FGF10: variants seen among roughly 807,000 people sequenced by gnomAD.
FGF10 encodes FGF-10.
A neutral mutation model predicts 19.8 loss-of-function variants in FGF10; 2 were observed. The observed-to-expected ratio is 0.10, with a 90% CI of 0.04 to 0.32. The LOEUF (loss-of-function observed/expected upper bound fraction) is 0.32. FGF10 is among the 10% of genes least tolerant of loss of function. The pLI is 1.00. For synonymous variants in FGF10, 112 were observed against 94.0 expected, an observed-to-expected ratio of 1.19 and a Z score of -1.10; for missense variants, 191 against 246.3, an observed-to-expected ratio of 0.78 and a Z score of 1.50.
At chr5:44,345,633 C>CAAAAAAAAA (rs199895920) in intron 1 of FGF10, among the ~76,000 whole-genome samples, 2 of 134,430 alleles carry the variant, frequency 1.5e-5, no homozygotes, top group Non-Finnish European at 1.6e-5. Context: ...TTTCTCAGCT[C>CAAAAAAAAA]AAAAAAAAAA....
At chr5:44,305,855 C>T (rs1217860914) in intron 2 of FGF10, among the ~76,000 whole-genome samples, 1 of 152,096 alleles carries the variant, frequency 6.6e-6, no homozygotes, top group Non-Finnish European at 1.5e-5. Context: ...CATGGAATTC[C>T]TCGTTTTGTG....
Position 44,388,881 on chromosome 5 carries a change from C to T in FGF10, c.-199G>A, listed in dbSNP as rs1230913493. The stretch of plus-strand genomic sequence containing the variant: ...CGGCTGACTCCCCTCGCTCCTTTCT[C>T]GGATCCGCTGCCTACGCCTCTGGAG... On this transcript the variant is annotated 5_prime_UTR_variant, in exon 1 of 3. Transcript: ENST00000264664. 2 of 648,488 alleles carry T rather than the reference C, an allele frequency of 3.1e-6. No homozygotes were observed. Among genetic ancestry groups the T allele is most frequent in the Non-Finnish European group, 2.8e-6 (1 of 356,480 alleles). 40.2% of individuals were successfully genotyped at this position (648,488 alleles called of 1,614,324 possible).
At chr5:44,309,680 T>C (rs1412934301) in intron 2 of FGF10, among the ~76,000 whole-genome samples, 1 of 152,132 alleles carries the variant, frequency 6.6e-6, no homozygotes, top group Admixed American at 6.6e-5. Context: ...ATTATTACAA[T>C]TGCAATTATA....
chr5:44,306,478 A>G (rs1173582726), intron 2 of FGF10, among the ~76,000 whole-genome samples: 2 of 152,200 alleles, frequency 1.3e-5, no homozygotes, highest in East Asian at 1.9e-4. Context: ...TAAGAAGCTA[A>G]GGAATTGGAG....
At chr5:44,362,485 C>A (rs1256502843) in intron 1 of FGF10, among the ~76,000 whole-genome samples, 1 of 151,592 alleles carries the variant, frequency 6.6e-6, no homozygotes, top group Admixed American at 6.6e-5. Context: ...ACTCCTATAA[C>A]CCAGCAAACA....
chr5:44,342,684 C>A (rs1191878877), intron 1 of FGF10, among the ~76,000 whole-genome samples: 1 of 151,772 alleles, frequency 6.6e-6, no homozygotes. Flanking sequence ...TAAAGTTCAT[C>A]TACATTAAAA....
At chr5:44,357,042 CA>C (rs889981582) in intron 1 of FGF10, among the ~76,000 whole-genome samples, 112 of 150,670 alleles carry the variant, frequency 7.4e-4, no homozygotes, top group African/African-American at 2.7e-3. Flanking sequence ...AAGATTATTA[CA>C]AAAAAAATAT....
At position 44,367,579 on chromosome 5, in the gene FGF10, G is replaced by A. The variant is rs569998683; in HGVS notation, c.325+20779C>T. 8.6e-5 allele frequency among the ~76,000 whole-genome samples: 13 copies of A among 151,998 alleles called. 1 individual carries two copies. In the South Asian group the frequency reaches 1.2e-3, roughly 15 times the overall value. On this transcript the variant is annotated intron_variant, in intron 1 of 2. Coordinates refer to ENST00000264664, the MANE Select transcript of FGF10 (RefSeq NM_004465.2). ...TATTAACTACTCAGTGAAGTTACTC[G>A]GCTTCTCAGTAGCTTCAAATTTTCC...
At chr5:44,367,247 A>C (rs1741638198) in intron 1 of FGF10, among the ~76,000 whole-genome samples, 1 of 151,994 alleles carries the variant, frequency 6.6e-6, no homozygotes, top group African/African-American at 2.4e-5. Context: ...CAGGAGTTTC[A>C]AAATAAAAGT....
At position 44,310,349 on chromosome 5, in the gene FGF10, C is replaced by A. The variant is rs968101355; in HGVS notation, c.429+78G>T. ...GCAATAGAAGGATAACAAAGCTATT[C>A]GGTGTCTGGAGGAAACTTTCCAAAA... On this transcript the variant is annotated intron_variant, in intron 2 of 2. Coordinates refer to ENST00000264664, the MANE Select transcript of FGF10 (RefSeq NM_004465.2). 1.1e-5 allele frequency: 10 copies of A among 906,398 alleles called. No homozygotes were observed. In the Admixed American group the frequency reaches 1.5e-4, roughly 14 times the overall value. 56.1% of individuals were successfully genotyped at this position (906,398 alleles called of 1,614,324 possible).
At chr5:44,376,832 C>A (rs895307617) in intron 1 of FGF10, among the ~76,000 whole-genome samples, 1 of 151,638 alleles carries the variant, frequency 6.6e-6, no homozygotes, top group Non-Finnish European at 1.5e-5. Context: ...AGATAATACT[C>A]TTTTGAAATA....
intron 1 of FGF10, among the ~76,000 whole-genome samples, chr5:44,377,696 C>T (rs1276779315): frequency 6.6e-6 from 1 of 152,076 alleles, no homozygotes; most frequent in African/African-American, 2.4e-5. Context: ...ATCTGAAATG[C>T]TTGGGATCAG....
intron 1 of FGF10, among the ~76,000 whole-genome samples, chr5:44,357,100 A>G (rs1410897678): frequency 2.4e-5 from 3 of 126,014 alleles, no homozygotes; most frequent in African/African-American, 8.9e-5. Context: ...CACTACCTCC[A>G]ATTTCCTAAG....
chr5:44,356,998 C>A (rs1036662648), intron 1 of FGF10, among the ~76,000 whole-genome samples: 2 of 151,246 alleles, frequency 1.3e-5, no homozygotes, highest in African/African-American at 4.8e-5. Flanking sequence ...TGTTTCACTT[C>A]TTTCTGCTTC....
intron 1 of FGF10, among the ~76,000 whole-genome samples, chr5:44,336,514 G>A (rs17227843): frequency 0.013 from 2,021 of 152,112 alleles, 88 homozygotes; most frequent in East Asian, 0.12. Context: ...CTCCTCCTCC[G>A]GGGAGAGGTG....
chr5:44,342,292 G>C (rs1366570858), intron 1 of FGF10, among the ~76,000 whole-genome samples: 1 of 151,892 alleles, frequency 6.6e-6, no homozygotes, highest in South Asian at 2.1e-4. Flanking sequence ...CCAGCATCTA[G>C]ACCTTACTTT....
chr5:44,347,978 TAC>T (rs1294780081), intron 1 of FGF10, among the ~76,000 whole-genome samples: 1 of 151,698 alleles, frequency 6.6e-6, no homozygotes, highest in Admixed American at 6.6e-5. Context: ...ATAGGAGTCT[TAC>T]ACACAATCCC....
chr5:44,377,919 C>A (rs1397288163), intron 1 of FGF10, among the ~76,000 whole-genome samples: 1 of 152,206 alleles, frequency 6.6e-6, no homozygotes, highest in Non-Finnish European at 1.5e-5. Flanking sequence ...ATGTCACTAT[C>A]TTAGCCGTTG....
intron 1 of FGF10, among the ~76,000 whole-genome samples, chr5:44,362,547 C>T (rs1579933271): frequency 6.6e-6 from 1 of 151,698 alleles, no homozygotes; most frequent in Non-Finnish European, 1.5e-5. Context: ...TAGTGTTATT[C>T]ACAGGAGCTA....
Sources: gnomAD v4.1 joint callset for allele counts (sites outside exome capture counted in the v4.1 genomes callset) on GRCh38, gnomAD v4.1.1 for gene constraint, MANE v1.5 for transcripts, NCBI Gene and HGNC (gene_info 2026-07-23, HGNC 2026-07-21) for gene names.